The following PIP5K1B variants were observed in gnomAD, a reference collection of about 807,000 sequenced individuals.
PIP5K1B encodes the protein phosphatidylinositol 4-phosphate 5-kinase type-1 beta.
Under a neutral mutation model 67.0 loss-of-function variants are expected in PIP5K1B, and 42 were observed. The ratio of observed to expected loss-of-function variants is 0.63; its 90% CI spans 0.49 to 0.81. The LOEUF (loss-of-function observed/expected upper bound fraction) is 0.81, where lower values mean the gene tolerates loss of function less well. Among genes scored for constraint, PIP5K1B ranks in the 30% least tolerant of loss-of-function variants. The probability of loss-of-function intolerance (pLI) is 0.00; values close to 1 mark genes in which losing one functional copy is unlikely to be tolerated. For missense variants in PIP5K1B, 459 were observed against 646.3 expected (o/e 0.71, Z 3.14); for synonymous variants, 214 against 231.4 (o/e 0.92, Z 0.68).
chr9:68,811,332 T>C (rs1268947833), intron 2 of PIP5K1B, among the ~76,000 whole-genome samples: 3 of 152,186 alleles, frequency 2.0e-5, no homozygotes, highest in Non-Finnish European at 2.9e-5. Flanking sequence ...CTTCCTGTGT[T>C]CTGTATCACA....
chr9:68,780,879 G>T (rs1831226553), intron 2 of PIP5K1B: 1 of 1,614,074 alleles, frequency 6.2e-7, no homozygotes, highest in South Asian at 1.1e-5. Context: ...TGGTGTGTGT[G>T]TATCTTCGGA....
Position 68,767,609 on chromosome 9 carries a change from A to G in PIP5K1B, c.-86+24952A>G, listed in dbSNP as rs549247453. 2.1e-4 allele frequency among the ~76,000 whole-genome samples: 32 copies of G among 151,422 alleles called. No homozygotes were observed. In the East Asian group the frequency reaches 4.4e-3, roughly 21 times the overall value. ...ACTCTGTCTTAAAAAAAAAAAAAAA[A>G]AAAAGAAAAAGAAATAATTTAGCAA... is the stretch of plus-strand genomic sequence containing the variant. On this transcript the variant is annotated intron_variant, in intron 2 of 15. Coordinates refer to ENST00000265382, the MANE Select transcript of PIP5K1B (RefSeq NM_003558.4).
At position 69,008,760 on chromosome 9, in the gene PIP5K1B, T is replaced by C. The variant is rs766170553; in HGVS notation, c.*311T>C. 8 of 324,390 alleles carry C rather than the reference T, an allele frequency of 2.5e-5. No individual in the cohort carries two copies. The highest frequency in any genetic ancestry group is 4.1e-5 in the Non-Finnish European group (7 of 170,574). 20.1% of individuals were successfully genotyped at this position (324,390 alleles called of 1,614,324 possible). A position where few individuals can be genotyped will look rare whatever the true frequency, so the allele number is the denominator to read the frequency against. Reference sequence around the variant, plus strand: ...TGGAGTTGGAAGTGCTATTTTCCTATGGACTTTTGCATTATTTCATTGTGC... The same window carrying C: ...TGGAGTTGGAAGTGCTATTTTCCTACGGACTTTTGCATTATTTCATTGTGC... On this transcript the variant is annotated 3_prime_UTR_variant, in exon 16 of 16. Transcript: ENST00000265382.
intron 2 of PIP5K1B, chr9:68,780,535 G>A (rs546395944): frequency 6.2e-7 from 1 of 1,614,214 alleles, no homozygotes; most frequent in South Asian, 1.1e-5. Context: ...TTCAGCCTGA[G>A]TGACAACGAC....
At chr9:68,979,142 C>T (rs1423722343) in intron 14 of PIP5K1B, among the ~76,000 whole-genome samples, 1 of 152,134 alleles carries the variant, frequency 6.6e-6, no homozygotes, top group African/African-American at 2.4e-5. Context: ...AACTTAGAAA[C>T]ACAGGAAAGG....
At chr9:68,795,713 A>C (rs1832252784) in intron 2 of PIP5K1B, among the ~76,000 whole-genome samples, 1 of 152,204 alleles carries the variant, frequency 6.6e-6, no homozygotes, top group Non-Finnish European at 1.5e-5. Context: ...TTTTGATGGT[A>C]TATAGGAAGT....
At chr9:68,958,249 C>A (rs980943621) in intron 14 of PIP5K1B, among the ~76,000 whole-genome samples, 6 of 152,180 alleles carry the variant, frequency 3.9e-5, no homozygotes, top group African/African-American at 1.2e-4. Flanking sequence ...CAGATCTCCA[C>A]CTACTACCTA....
chr9:68,889,200 T>G, intron 7 of PIP5K1B, 67 bp downstream of exon 7: 1 of 1,301,240 alleles, frequency 7.7e-7, no homozygotes, highest in Non-Finnish European at 1.1e-6. Context: ...AGTTTTTTTC[T>G]GTTGTTTTTT....
intron 8 of PIP5K1B, among the ~76,000 whole-genome samples, chr9:68,914,431 C>T (rs945950838): frequency 6.6e-6 from 1 of 152,142 alleles, no homozygotes; most frequent in African/African-American, 2.4e-5. Context: ...ATTGAAAATT[C>T]CTGGCCAGGC....
intron 4 of PIP5K1B, among the ~76,000 whole-genome samples, chr9:68,853,084 A>T (rs1219358247): frequency 1.3e-5 from 2 of 152,222 alleles, no homozygotes; most frequent in African/African-American, 4.8e-5. Context: ...TTTAAAAGGA[A>T]AAACAGAAAG....
chr9:68,898,448 A>G (rs1025166401), intron 8 of PIP5K1B, among the ~76,000 whole-genome samples: 3 of 152,222 alleles, frequency 2.0e-5, no homozygotes, highest in Non-Finnish European at 4.4e-5. Context: ...AGCCAAGGAA[A>G]GAGTGGTGAC....
At chr9:68,942,169 A>T (rs1470957371) in intron 14 of PIP5K1B, among the ~76,000 whole-genome samples, 2 of 152,246 alleles carry the variant, frequency 1.3e-5, no homozygotes, top group Non-Finnish European at 2.9e-5. Context: ...TAAACCTGGT[A>T]TGTAAATTAG....
intron 1 of PIP5K1B, among the ~76,000 whole-genome samples, chr9:68,737,328 T>G (rs764726155): frequency 1.1e-4 from 17 of 152,222 alleles, no homozygotes; most frequent in Non-Finnish European, 2.4e-4. Flanking sequence ...AATAGTGTTA[T>G]GTTTATTTTG....
At chr9:68,953,580 C>T (rs1828208490) in intron 14 of PIP5K1B, among the ~76,000 whole-genome samples, 1 of 151,854 alleles carries the variant, frequency 6.6e-6, no homozygotes, top group Non-Finnish European at 1.5e-5. Flanking sequence ...TATTTGGAGG[C>T]CGAGGTAGGA....
rs116691044 is a variant in PIP5K1B, at chr9:68,729,111, T to C, written c.-242-13390T>C. 8.2e-3 allele frequency among the ~76,000 whole-genome samples: 1,246 copies of C among 152,326 alleles called. 18 individuals are homozygous for C. The highest frequency in any genetic ancestry group is 0.028 in the African/African-American group (1,176 of 41,572). ...TCAATCATCATTTAAAAATTATCTT[T>C]CTTAGCTCTAAAGTAATAATTGCAA... On this transcript the variant is annotated intron_variant, in intron 1 of 15. Transcript: ENST00000265382.
chr9:68,732,804 A>G (rs968685411), intron 1 of PIP5K1B, among the ~76,000 whole-genome samples: 1 of 151,936 alleles, frequency 6.6e-6, no homozygotes, highest in African/African-American at 2.4e-5. Flanking sequence ...TCCCTGAGGC[A>G]AAGCCGGGTA....
chr9:68,896,097 G>T (rs1412023608), intron 8 of PIP5K1B, among the ~76,000 whole-genome samples: 1 of 152,180 alleles, frequency 6.6e-6, no homozygotes, highest in Non-Finnish European at 1.5e-5. Context: ...TCAGATATCT[G>T]AGTGGATTTG....
At chr9:68,790,745 A>T (rs1444086441) in intron 2 of PIP5K1B, among the ~76,000 whole-genome samples, 1 of 152,158 alleles carries the variant, frequency 6.6e-6, no homozygotes, top group Non-Finnish European at 1.5e-5. Flanking sequence ...GGGCTTTGTA[A>T]ATGATACTGA....
chr9:68,965,627 C>T (rs1000426030), intron 14 of PIP5K1B: 1 of 152,172 alleles, frequency 6.6e-6, no homozygotes, highest in Non-Finnish European at 1.5e-5. Flanking sequence ...TGGTTCCATA[C>T]TTAAACCATC....
Sources: allele counts gnomAD v4.1 joint callset (sites outside exome capture counted in the v4.1 genomes callset), GRCh38; gene constraint gnomAD v4.1.1; transcripts MANE v1.5; gene names NCBI Gene and HGNC (gene_info 2026-07-23, HGNC 2026-07-21).